SPAG16: variants seen among roughly 807,000 people sequenced by gnomAD.
The protein encoded by SPAG16 is sperm associated antigen 16.
Under a neutral mutation model 80.4 loss-of-function variants are expected in SPAG16, and 86 were observed. The observed-to-expected ratio is 1.07, with a 90% CI of 0.90 to 1.28. The LOEUF (loss-of-function observed/expected upper bound fraction) is 1.28, where lower values mean the gene tolerates loss of function less well. SPAG16 is among the 50% of genes most tolerant of loss of function. SPAG16 has a pLI of 0.00. For missense variants in SPAG16, 870 were observed against 765.3 expected (o/e 1.14, Z -1.61); for synonymous variants, 294 against 265.9 (o/e 1.11, Z -1.03).
chr2:214,357,716 A>G (rs990236684), intron 15 of SPAG16, among the ~76,000 whole-genome samples: 1 of 151,786 alleles, frequency 6.6e-6, no homozygotes, highest in South Asian at 2.1e-4. Flanking sequence ...ATTATTTTTT[A>G]TAACTCTCCT....
chr2:213,872,088 C>G (rs1314920910), intron 11 of SPAG16, among the ~76,000 whole-genome samples: 1 of 152,076 alleles, frequency 6.6e-6, no homozygotes, highest in Non-Finnish European at 1.5e-5. Flanking sequence ...TGATGGAAAT[C>G]TGTAATCAGC....
chr2:214,349,967 A>ACCC (rs544046817), intron 15 of SPAG16, among the ~76,000 whole-genome samples: 28 of 152,274 alleles, frequency 1.8e-4, no homozygotes, highest in African/African-American at 7.2e-5. Context: ...TCTCAGATAT[A>ACCC]TGTGTAGTGC....
chr2:213,580,180 G>C (rs535562872), intron 10 of SPAG16, among the ~76,000 whole-genome samples: 1 of 151,926 alleles, frequency 6.6e-6, no homozygotes, highest in Non-Finnish European at 1.5e-5. Flanking sequence ...TGAAATGCAG[G>C]AGACAAAGAA....
chr2:213,896,258 G>T lies in SPAG16; in HGVS notation c.1214+33630G>T, dbSNP rs560362193. 2.6e-5 allele frequency among the ~76,000 whole-genome samples: 4 copies of T among 152,064 alleles called. No homozygotes were observed. In the South Asian group the frequency reaches 8.3e-4, roughly 32 times the overall value. ...ACTATAATATATCAATCCTGCACCT[G>T]CTAAAATGGCTTTTATTAAAAGGAC... is the stretch of plus-strand genomic sequence containing the variant. On this transcript the variant is annotated intron_variant, in intron 11 of 15. Coordinates refer to ENST00000331683, the MANE Select transcript of SPAG16 (RefSeq NM_024532.5).
chr2:214,290,010 T>TA (rs1444226917), intron 15 of SPAG16, among the ~76,000 whole-genome samples: 1 of 152,140 alleles, frequency 6.6e-6, no homozygotes, highest in Non-Finnish European at 1.5e-5. Context: ...GTTCTTTATA[T>TA]GTTTGGTAGA....
rs10694178 is a variant in SPAG16, at chr2:214,222,110, CTTTTTTTTTTTT to C, written c.1720+72856_1720+72867del. On this transcript the variant is annotated intron_variant, in intron 15 of 15. Transcript: ENST00000331683. ...TTGAGAAATTAGTTTCCTTGCTATT[CTTTTTTTTTTTT>C]TTTTTTTTTTTGAAACAGAGTTTCG... Among the ~76,000 whole-genome samples, 433 of 103,630 alleles carry C rather than the reference CTTTTTTTTTTTT, an allele frequency of 4.2e-3. 3 individuals carry two copies. The highest frequency in any genetic ancestry group is 4.9e-3 in the Non-Finnish European group (267 of 54,476). 68.0% of individuals were successfully genotyped at this position (103,630 alleles called of 152,430 possible). A position where few individuals can be genotyped will look rare whatever the true frequency, so the allele number is the denominator to read the frequency against.
chr2:213,970,137 G>T (rs749186920), intron 12 of SPAG16, among the ~76,000 whole-genome samples: 1 of 151,914 alleles, frequency 6.6e-6, no homozygotes, highest in Non-Finnish European at 1.5e-5. Context: ...TCAGGGTTTT[G>T]CCCTCATGAC....
chr2:213,592,671 A>C (rs909810677), intron 10 of SPAG16, among the ~76,000 whole-genome samples: 1 of 152,176 alleles, frequency 6.6e-6, no homozygotes, highest in African/African-American at 2.4e-5. Context: ...TCATTTGAAG[A>C]TAAGAGCTGT....
intron 3 of SPAG16, among the ~76,000 whole-genome samples, chr2:213,304,570 G>A (rs547427029): frequency 3.3e-5 from 5 of 152,096 alleles, no homozygotes; most frequent in Non-Finnish European, 1.5e-5. Flanking sequence ...AAGGGATAGG[G>A]GTCTAGTTTG....
chr2:214,229,782 A>G (rs1173578797), intron 15 of SPAG16, among the ~76,000 whole-genome samples: 1 of 151,916 alleles, frequency 6.6e-6, no homozygotes, highest in African/African-American at 2.4e-5. Flanking sequence ...GACAGCTTTG[A>G]ATATGGTGTA....
chr2:213,869,266 T>A (rs200202275), intron 11 of SPAG16, among the ~76,000 whole-genome samples: 3,598 of 36,374 alleles, frequency 0.099, 217 homozygotes, highest in African/African-American at 0.2. Context: ...AAAAAAAAAA[T>A]ATATATATAT....
intron 15 of SPAG16, among the ~76,000 whole-genome samples, chr2:214,174,130 A>C (rs545123112): frequency 6.6e-6 from 1 of 152,222 alleles, no homozygotes; most frequent in African/African-American, 2.4e-5. Flanking sequence ...ATCATACTGA[A>C]TGGGCAAAAA....
At chr2:214,294,328 G>A (rs1440781985) in intron 15 of SPAG16, among the ~76,000 whole-genome samples, 2 of 152,280 alleles carry the variant, frequency 1.3e-5, no homozygotes, top group African/African-American at 2.4e-5. Context: ...CCAGCTCCCA[G>A]TCAATCCCAA....
chr2:214,316,390 C>T (rs1178094805), intron 15 of SPAG16, among the ~76,000 whole-genome samples: 1 of 152,166 alleles, frequency 6.6e-6, no homozygotes, highest in African/African-American at 2.4e-5. Flanking sequence ...TTCTTAGCCT[C>T]ATCAGCAGGT....
intron 9 of SPAG16, among the ~76,000 whole-genome samples, chr2:213,454,854 A>T (rs764453852): frequency 3.3e-5 from 5 of 152,302 alleles, no homozygotes; most frequent in Non-Finnish European, 7.4e-5. Flanking sequence ...GAATGCATGA[A>T]ATTTTGTAAT....
intron 3 of SPAG16, among the ~76,000 whole-genome samples, chr2:213,307,867 T>G (rs1259370505): frequency 2.0e-5 from 3 of 152,208 alleles, no homozygotes; most frequent in Non-Finnish European, 4.4e-5. Context: ...GACTTTTTAA[T>G]GATTGTCGAA....
intron 9 of SPAG16, among the ~76,000 whole-genome samples, chr2:213,474,579 A>G (rs1022074213): frequency 9.2e-5 from 14 of 152,162 alleles, no homozygotes; most frequent in African/African-American, 2.4e-4. Context: ...GTGTATCTCT[A>G]TAAGCAGTTC....
At chr2:213,697,118 A>T (rs1170815197) in intron 10 of SPAG16, among the ~76,000 whole-genome samples, 1 of 152,136 alleles carries the variant, frequency 6.6e-6, no homozygotes, top group Non-Finnish European at 1.5e-5. Flanking sequence ...AAGAAAGGGG[A>T]TGGGTAGAAG....
intron 8 of SPAG16, chr2:213,364,984 G>A (rs973523887): frequency 7.2e-5 from 11 of 152,204 alleles, no homozygotes; most frequent in African/African-American, 2.2e-4. Flanking sequence ...CACAGAATTT[G>A]GAGTTTGAGT....
Sources: gnomAD v4.1 joint callset for allele counts (sites outside exome capture counted in the v4.1 genomes callset) on GRCh38, gnomAD v4.1.1 for gene constraint, MANE v1.5 for transcripts, NCBI Gene and HGNC (gene_info 2026-07-23, HGNC 2026-07-21) for gene names.